Variants in TFB1M observed in about 807,000 individuals in gnomAD.
The protein encoded by TFB1M is dimethyladenosine transferase 1, mitochondrial.
Under a neutral mutation model 31.1 loss-of-function variants are expected in TFB1M, and 27 were observed. That is an observed-to-expected ratio of 0.87 (90% CI 0.64 to 1.20). The LOEUF is 1.20. TFB1M is among the 50% of genes most tolerant of loss of function. The pLI is 0.00. For synonymous variants in TFB1M, 166 were observed against 151.8 expected (o/e 1.09, Z -0.69); for missense variants, 394 against 418.7 (o/e 0.94, Z 0.51).
chr6:155,243,987 A>G, the TFB1M span: 2 of 1,611,592 alleles, frequency 1.2e-6, no homozygotes, highest in African/African-American at 2.7e-5. Flanking sequence ...AGCGTTGAAG[A>G]CACTTTCTTC....
intron 5 of TFB1M, among the ~76,000 whole-genome samples, chr6:155,278,901 A>G (rs1370591128): frequency 3.3e-5 from 5 of 152,170 alleles, no homozygotes; most frequent in Admixed American, 6.5e-5. Context: ...GTGTTACTCA[A>G]TGGTTCTTAG....
intron 5 of TFB1M, among the ~76,000 whole-genome samples, chr6:155,262,767 T>A (rs1318501209): frequency 1.3e-5 from 2 of 152,242 alleles, no homozygotes; most frequent in East Asian, 3.8e-4. Flanking sequence ...AGATTTTAAA[T>A]TTTGGCCTCA....
intron 5 of TFB1M, among the ~76,000 whole-genome samples, chr6:155,275,028 C>T (rs2114710166): frequency 6.6e-6 from 1 of 151,680 alleles, no homozygotes; most frequent in African/African-American, 2.4e-5. Context: ...ACCATCCTGG[C>T]TAACAGGGTG....
chr6:155,295,932 T>C (rs1215628120), intron 4 of TFB1M, among the ~76,000 whole-genome samples: 1 of 152,182 alleles, frequency 6.6e-6, no homozygotes, highest in African/African-American at 2.4e-5. Context: ...TGAGCACTTG[T>C]AGATTTTGGT....
At chr6:155,250,239 A>T in the TFB1M span, among the ~76,000 whole-genome samples, 4 of 151,444 alleles carry the variant, frequency 2.6e-5, no homozygotes, top group African/African-American at 9.7e-5. Flanking sequence ...GGGTGGAGAA[A>T]GGACATGGGA....
chr6:155,260,570 T>G (rs986307836), intron 5 of TFB1M, 170 bp from the exon 6 acceptor site: 5 of 803,164 alleles, frequency 6.2e-6, no homozygotes, highest in South Asian at 4.5e-5. Context: ...TGGTACATTC[T>G]GGATTCGCAA....
At chr6:155,253,330 A>G, downstream of TFB1M, 1 of 410,118 alleles carries the variant, frequency 2.4e-6, no homozygotes, top group South Asian at 4.6e-5. Context: ...TTGATACCCT[A>G]AAATGTGTTA....
intron 6 of TFB1M, among the ~76,000 whole-genome samples, chr6:155,258,900 CTGA>C (rs3060955): frequency 0.65 from 98,134 of 151,642 alleles, 32,416 homozygotes; most frequent in East Asian, 0.98. Flanking sequence ...CAAAGAGGGC[CTGA>C]TGATGGCAGT....
chr6:155,295,684 T>C (rs1443796477), intron 4 of TFB1M, among the ~76,000 whole-genome samples: 1 of 152,176 alleles, frequency 6.6e-6, no homozygotes, highest in Non-Finnish European at 1.5e-5. Context: ...TCCATATCCA[T>C]GGATCCAACC....
At chr6:155,251,407 C>T (rs989415726), downstream of TFB1M, among the ~76,000 whole-genome samples, 6 of 152,178 alleles carry the variant, frequency 3.9e-5, no homozygotes, top group African/African-American at 1.4e-4. Flanking sequence ...CTGCCTAAGC[C>T]TCCTGAGTAG....
At chr6:155,242,586 G>A in the TFB1M span, among the ~76,000 whole-genome samples, 1 of 152,180 alleles carries the variant, frequency 6.6e-6, no homozygotes, top group Non-Finnish European at 1.5e-5. Context: ...ATAAAGCTCT[G>A]GGTCTTAGGT....
In TFB1M at chr6:155,260,256, A is replaced by C; in HGVS notation, c.794+17T>G. 2 of 1,614,080 alleles carry C rather than the reference A, an allele frequency of 1.2e-6. No individual in the cohort carries two copies. Among genetic ancestry groups the C allele is most frequent in the South Asian group, 1.1e-5 (1 of 91,080 alleles). ...TTTATAAAGACTGCAACTGAAGAGAAGAAAAGGCATTCTTACCTGAGCCCT... is the reference window on the plus strand; with the variant it reads ...TTTATAAAGACTGCAACTGAAGAGACGAAAAGGCATTCTTACCTGAGCCCT... On this transcript the variant is annotated intron_variant, in intron 6 of 6. Transcript: ENST00000367166.
chr6:155,262,801 C>G (rs1275863975), intron 5 of TFB1M, among the ~76,000 whole-genome samples: 1 of 152,124 alleles, frequency 6.6e-6, no homozygotes, highest in Non-Finnish European at 1.5e-5. Flanking sequence ...GATTTCATTC[C>G]TTTGAGATAT....
At chr6:155,294,814 C>T (rs9384308) in intron 4 of TFB1M, among the ~76,000 whole-genome samples, 19,596 of 152,194 alleles carry the variant, frequency 0.13, 1,550 homozygotes, top group Non-Finnish European at 0.19. Context: ...AGAAATGTTG[C>T]CCATGTGCCC....
At position 155,260,367 on chromosome 6, in the gene TFB1M, T is replaced by TCA; in HGVS notation, c.698_699dup (p.Ile234Ter). The TCA allele has an allele frequency of 6.2e-7, 1 of 1,614,212 alleles. No homozygotes were observed. The stretch of plus-strand genomic sequence containing the variant: ...AATGGCTGCTCTATCTTGGGCTGTA[T>TCA]CAAGGGAGTGAAGTGCACCACGCCC... On this transcript the variant is annotated frameshift_variant, in exon 6 of 7. Transcript: ENST00000367166. LOFTEE classifies it high-confidence loss of function.
Position 155,257,722 on chromosome 6 carries a change from C to A in TFB1M, c.*114G>T. ...TGTATAGTAAAAGGAAAATAAGTCA[C>A]ATCTGGTCATTGGCATTTGTATCGT... On this transcript the variant is annotated 3_prime_UTR_variant, in exon 7 of 7. Coordinates refer to ENST00000367166, the MANE Select transcript of TFB1M (RefSeq NM_016020.4). 7.8e-7 allele frequency: 1 copy of A among 1,285,540 alleles called. No homozygotes were observed. The highest frequency in any genetic ancestry group is 1.3e-5 in the South Asian group (1 of 77,512). The allele number at this position is 1,285,540 out of a possible 1,614,324, so 79.6% of individuals were successfully genotyped here. A position where few individuals can be genotyped will look rare whatever the true frequency, so the allele number is the denominator to read the frequency against.
intron 5 of TFB1M, among the ~76,000 whole-genome samples, chr6:155,278,313 A>G (rs1385074316): frequency 1.3e-5 from 2 of 149,578 alleles, no homozygotes; most frequent in African/African-American, 5.0e-5. Flanking sequence ...TCTATTTAAC[A>G]AACTATGAAT....
chr6:155,245,303 C>T, the TFB1M span, among the ~76,000 whole-genome samples: 1 of 152,244 alleles, frequency 6.6e-6, no homozygotes, highest in Non-Finnish European at 1.5e-5. Flanking sequence ...AATGCAGAGT[C>T]GGCTTTATTA....
intron 5 of TFB1M, among the ~76,000 whole-genome samples, chr6:155,280,338 A>G (rs957980632): frequency 1.3e-5 from 2 of 152,152 alleles, no homozygotes; most frequent in African/African-American, 4.8e-5. Flanking sequence ...TCTACTGGGA[A>G]GTGACTGCCC....
Sources: gnomAD v4.1 joint callset for allele counts (sites outside exome capture counted in the v4.1 genomes callset) on GRCh38, gnomAD v4.1.1 for gene constraint, MANE v1.5 for transcripts, NCBI Gene and HGNC (gene_info 2026-07-23, HGNC 2026-07-21) for gene names.